Variants in AHCY observed in about 807,000 individuals in gnomAD.
AHCY encodes S-adenosyl-L-homocysteine hydrolase.
AHCY carries 24 observed loss-of-function variants against 45.4 expected under a neutral mutation model. The ratio of observed to expected loss-of-function variants is 0.53; its 90% CI spans 0.38 to 0.74. AHCY has a LOEUF of 0.74. Ranked by LOEUF, AHCY falls within the 30% of genes least tolerant of loss-of-function variation. The pLI is 0.00. For synonymous variants in AHCY, 245 were observed against 235.1 expected (o/e 1.04, Z -0.39); for missense variants, 449 against 594.1 (o/e 0.76, Z 2.54).
At chr20:34,274,201 A>G in the AHCY span, among the ~76,000 whole-genome samples, 1 of 152,216 alleles carries the variant, frequency 6.6e-6, no homozygotes, top group Non-Finnish European at 1.5e-5. Context: ...GTGCCATACT[A>G]ACAGTGATTA....
chr20:34,306,148 A>G (rs1378413548), upstream of AHCY, among the ~76,000 whole-genome samples: 3 of 151,892 alleles, frequency 2.0e-5, no homozygotes, highest in Admixed American at 1.3e-4. Context: ...ATTAATGATG[A>G]CTCTCATCCT....
chr20:34,268,028 A>G, the AHCY span, among the ~76,000 whole-genome samples: 1 of 152,256 alleles, frequency 6.6e-6, no homozygotes, highest in African/African-American at 2.4e-5. Context: ...TTTGACAAGC[A>G]TAAAATGTAG....
upstream of AHCY, among the ~76,000 whole-genome samples, chr20:34,306,711 C>T (rs1224666325): frequency 6.6e-6 from 1 of 152,130 alleles, no homozygotes; most frequent in Non-Finnish European, 1.5e-5. Flanking sequence ...TTGGTACAGC[C>T]ATACCATGAA....
chr20:34,303,399 T>G (rs916770672), upstream of AHCY: 5 of 1,320,110 alleles, frequency 3.8e-6, no homozygotes, highest in African/African-American at 7.3e-5. Flanking sequence ...TCCTCGCACT[T>G]GCATATTCAT....
the AHCY span, among the ~76,000 whole-genome samples, chr20:34,257,205 T>C: frequency 6.6e-6 from 1 of 151,996 alleles, no homozygotes; most frequent in Non-Finnish European, 1.5e-5. Flanking sequence ...TGCCTCAGCC[T>C]CCTGAGTAGG....
At chr20:34,284,588 A>G (rs2036108877) in intron 9 of AHCY, among the ~76,000 whole-genome samples, 1 of 152,166 alleles carries the variant, frequency 6.6e-6, no homozygotes, top group South Asian at 2.1e-4. Context: ...GCAGTGGCCG[A>G]GGCGGGTGGA....
chr20:34,253,157 G>A, the AHCY span, among the ~76,000 whole-genome samples: 1 of 151,334 alleles, frequency 6.6e-6, no homozygotes, highest in Non-Finnish European at 1.5e-5. Flanking sequence ...GCCCAGGCTG[G>A]AGTGCAGTGG....
At chr20:34,308,222 T>A (rs2036914956), upstream of AHCY, among the ~76,000 whole-genome samples, 1 of 152,246 alleles carries the variant, frequency 6.6e-6, no homozygotes, top group East Asian at 1.9e-4. Context: ...AGGTTGACTC[T>A]ATGTCTTTGC....
At chr20:34,309,118 C>A (rs1218178426) in intron 1 of AHCY, among the ~76,000 whole-genome samples, 1 of 151,570 alleles carries the variant, frequency 6.6e-6, no homozygotes, top group African/African-American at 2.4e-5. Context: ...CACCACCACA[C>A]CCGGCTAATT....
the AHCY span, among the ~76,000 whole-genome samples, chr20:34,264,236 A>G: frequency 6.6e-6 from 1 of 152,216 alleles, no homozygotes; most frequent in Non-Finnish European, 1.5e-5. Flanking sequence ...AAGATGTAGT[A>G]CTAAATCATA....
chr20:34,295,721 C>T, intron 1 of AHCY, 136 bp from the exon 2 acceptor site: 1 of 888,358 alleles, frequency 1.1e-6, no homozygotes, highest in Non-Finnish European at 1.8e-6. Context: ...CATTCTCTCA[C>T]TCATGCAACA....
chr20:34,285,218 C>G (rs1001356357), intron 9 of AHCY, among the ~76,000 whole-genome samples: 1 of 152,208 alleles, frequency 6.6e-6, no homozygotes, highest in Non-Finnish European at 1.5e-5. Flanking sequence ...CTCCTCACCA[C>G]CTGGTCCTGC....
intron 1 of AHCY, 110 bp from the exon 2 acceptor site, chr20:34,295,695 T>C (rs2036557924): frequency 9.0e-7 from 1 of 1,106,412 alleles, no homozygotes; most frequent in Non-Finnish European, 1.3e-6. Flanking sequence ...CACTAGGGCT[T>C]AGCACTCTGT....
downstream of AHCY, among the ~76,000 whole-genome samples, chr20:34,279,262 CA>C (rs1016977789): frequency 2.7e-5 from 4 of 148,538 alleles, no homozygotes; most frequent in Admixed American, 2.0e-4. Flanking sequence ...AAAAAAAATA[CA>C]AAAAAAAATT....
downstream of AHCY, among the ~76,000 whole-genome samples, chr20:34,278,232 A>C (rs976738017): frequency 6.6e-6 from 1 of 152,198 alleles, no homozygotes; most frequent in Non-Finnish European, 1.5e-5. Context: ...CTGAAACAAA[A>C]GGTTCTGGGA....
the AHCY span, among the ~76,000 whole-genome samples, chr20:34,258,933 C>A: frequency 7.3e-6 from 1 of 136,424 alleles, no homozygotes. Context: ...CACAAATGAA[C>A]AAATATGGCT....
chr20:34,239,422 G>C, the AHCY span, among the ~76,000 whole-genome samples: 5 of 152,176 alleles, frequency 3.3e-5, no homozygotes, highest in East Asian at 9.7e-4. Context: ...TCACCATGTT[G>C]GCCAGGCTCT....
the AHCY span, chr20:34,246,121 A>G: frequency 1.1e-6 from 1 of 911,708 alleles, no homozygotes; most frequent in South Asian, 1.4e-5. Context: ...GTGCTTCTTT[A>G]AGATCAATTT....
chr20:34,240,343 T>C, the AHCY span, among the ~76,000 whole-genome samples: 23 of 152,312 alleles, frequency 1.5e-4, no homozygotes, highest in East Asian at 2.1e-3. Flanking sequence ...CAAGTGCTTC[T>C]TCCCTCCTGG....
Sources: gnomAD v4.1 joint callset for allele counts (sites outside exome capture counted in the v4.1 genomes callset) on GRCh38, gnomAD v4.1.1 for gene constraint, MANE v1.5 for transcripts, NCBI Gene and HGNC (gene_info 2026-07-23, HGNC 2026-07-21) for gene names.